Variants in GCFC2 observed in about 807,000 individuals in gnomAD.
GCFC2 encodes intron Large complex component GCFC2.
A neutral mutation model predicts 99.4 loss-of-function variants in GCFC2; 102 were observed. That is an observed-to-expected ratio of 1.03 (90% confidence interval 0.87 to 1.21). The LOEUF is 1.21. GCFC2 is among the 50% of genes most tolerant of loss of function. GCFC2 has a pLI of 0.00. For synonymous variants in GCFC2, 338 were observed against 316.8 expected (o/e 1.07, Z -0.71); for missense variants, 973 against 920.9 (o/e 1.06, Z -0.73).
At chr2:75,665,291 C>G (rs758595868) in intron 16 of GCFC2, among the ~76,000 whole-genome samples, 1 of 152,030 alleles carries the variant, frequency 6.6e-6, no homozygotes, top group Non-Finnish European at 1.5e-5. Flanking sequence ...AGCTGGGACT[C>G]AGGCGCATGC....
intron 2 of GCFC2, among the ~76,000 whole-genome samples, chr2:75,706,239 T>TA (rs1467873591): frequency 6.6e-6 from 1 of 152,202 alleles, no homozygotes. Flanking sequence ...GACAAATTCT[T>TA]ACCATCCTTC....
At chr2:75,703,550 A>G (rs1244791724) in intron 2 of GCFC2, among the ~76,000 whole-genome samples, 2 of 152,272 alleles carry the variant, frequency 1.3e-5, no homozygotes, top group Non-Finnish European at 2.9e-5. Context: ...AACAAGTAAT[A>G]GAAAATGAAG....
At chr2:75,690,418 T>C in intron 8 of GCFC2, 1 of 520,806 alleles carries the variant, frequency 1.9e-6, no homozygotes, top group South Asian at 2.6e-5. Flanking sequence ...CCCAGCCTGA[T>C]AAATGTCATT....
chr2:75,701,651 C>T (rs1680596133), intron 3 of GCFC2: 1 of 181,502 alleles, frequency 5.5e-6, no homozygotes, highest in African/African-American at 2.4e-5. Context: ...CTCTCAATTA[C>T]TACCTGAGAA....
intron 11 of GCFC2, among the ~76,000 whole-genome samples, chr2:75,684,623 C>G (rs183500262): frequency 6.6e-6 from 1 of 152,274 alleles, no homozygotes. Context: ...TAAACTAGTT[C>G]AACCATTGTG....
upstream of GCFC2, chr2:75,711,097 C>T: frequency 7.8e-7 from 1 of 1,288,274 alleles, no homozygotes; most frequent in Non-Finnish European, 9.8e-7. Flanking sequence ...GGTTAGGTTG[C>T]GTGGACTGAC....
intron 7 of GCFC2, 100 bp downstream of exon 7, chr2:75,691,877 A>G (rs1246101872): frequency 1.3e-5 from 8 of 592,922 alleles, no homozygotes; most frequent in Non-Finnish European, 1.9e-5. Flanking sequence ...TTTGTGGGAA[A>G]ATACATGAAA....
In GCFC2 at chr2:75,694,333, G is replaced by T; in HGVS notation, c.928C>A (p.Leu310Ile). Reference sequence around the variant, plus strand: ...AGAGCTTGATTTGATGAACTCTCTAGGTTCTGGATGGTACTCTTTGAGCTT... The same window carrying T: ...AGAGCTTGATTTGATGAACTCTCTATGTTCTGGATGGTACTCTTTGAGCTT... ...VKSSKSTIQN[L>I]ESSSNQALNC... The change falls in exon 6 of 17, where the codon CTA becomes ATA. Residue 310 changes from leucine (L) to isoleucine (I), a missense_variant. Transcript: ENST00000321027. 7.0e-7 allele frequency: 1 copy of T among 1,432,454 alleles called. No individual in the cohort carries two copies. The highest frequency in any genetic ancestry group is 9.7e-7 in the Non-Finnish European group (1 of 1,028,692). 88.7% of individuals were successfully genotyped at this position (1,432,454 alleles called of 1,614,324 possible). A position where few individuals can be genotyped will look rare whatever the true frequency, so the allele number is the denominator to read the frequency against.
intron 1 of GCFC2, 148 bp downstream of exon 1, chr2:75,710,443 C>T: frequency 3.7e-6 from 5 of 1,369,480 alleles, no homozygotes; most frequent in South Asian, 3.4e-5. Context: ...TCGCTCACTA[C>T]CTTCTGGATA....
At chr2:75,686,143 G>A (rs1380689697) in intron 11 of GCFC2, among the ~76,000 whole-genome samples, 1 of 151,976 alleles carries the variant, frequency 6.6e-6, no homozygotes. Context: ...GCTTAAACTA[G>A]GCACATGCAT....
chr2:75,681,835 C>T (rs145959717), intron 11 of GCFC2, among the ~76,000 whole-genome samples: 1,859 of 151,970 alleles, frequency 0.012, 87 homozygotes, highest in African/African-American at 0.043. Flanking sequence ...CCGGGAAGTT[C>T]GACCTGGGCA....
In GCFC2 at chr2:75,663,165, CAT is replaced by C. The variant is rs1190727069; in HGVS notation, c.*1499_*1500del. On this transcript the variant is annotated 3_prime_UTR_variant, in exon 17 of 17. Transcript: ENST00000321027. ...AATCACAAGTCCTCACTGCAACAGA[CAT>C]AACAAATCCAACTCCTAAAATAAAT... The C allele has an allele frequency of 1.3e-5, 2 of 152,092 alleles. No homozygotes were observed. The highest frequency in any genetic ancestry group is 4.8e-5 in the African/African-American group (2 of 41,404). The allele number at this position is 152,092 out of a possible 1,614,324, so 9.4% of individuals were successfully genotyped here.
At chr2:75,680,525 T>C (rs1318336168) in intron 11 of GCFC2, among the ~76,000 whole-genome samples, 1 of 152,202 alleles carries the variant, frequency 6.6e-6, no homozygotes, top group Non-Finnish European at 1.5e-5. Flanking sequence ...CTACAGCTCT[T>C]TATAGTTAAG....
intron 12 of GCFC2, among the ~76,000 whole-genome samples, chr2:75,675,929 A>G (rs1455582761): frequency 1.3e-5 from 2 of 151,870 alleles, no homozygotes; most frequent in East Asian, 1.9e-4. Context: ...CCCTTTGTGT[A>G]TATATATATA....
chr2:75,672,634 G>A (rs1046678295), intron 13 of GCFC2, among the ~76,000 whole-genome samples: 4 of 152,084 alleles, frequency 2.6e-5, no homozygotes, highest in South Asian at 2.1e-4. Flanking sequence ...TCAAATACTC[G>A]TTTTATAATT....
chr2:75,671,389 C>T (rs1679084332), intron 14 of GCFC2, among the ~76,000 whole-genome samples: 1 of 152,198 alleles, frequency 6.6e-6, no homozygotes, highest in South Asian at 2.1e-4. Context: ...TGTATCCAAC[C>T]ACCTCCTAGA....
At position 75,702,279 on chromosome 2, in the gene GCFC2, C is replaced by G; in HGVS notation, c.539G>C (p.Ser180Thr). The change falls in exon 3 of 17, where the codon AGT becomes ACT. Residue 180 changes from serine (S) to threonine (T), a missense_variant. Transcript: ENST00000321027. ...MKRESEDDPE[S>T]EPDDHEKRIP... ...TCTCTTTTCATGGTCATCAGGCTCA[C>G]TCTCAGGGTCATCTTCGCTCTCTCT... The G allele has an allele frequency of 6.2e-7, 1 of 1,613,580 alleles. No individual in the cohort carries two copies. Among genetic ancestry groups the G allele is most frequent in the Non-Finnish European group, 8.5e-7 (1 of 1,179,496 alleles).
rs149176539 is a variant in GCFC2 at position 75,710,030 on chromosome 2, T to C, written c.265+561A>G. ...ACGACACTATATCTAACACCATTACTGGTACCATCTACAGTGTCATGAATC... is the reference window on the plus strand; with the variant it reads ...ACGACACTATATCTAACACCATTACCGGTACCATCTACAGTGTCATGAATC... On this transcript the variant is annotated intron_variant, in intron 1 of 16. Transcript: ENST00000321027. Among the ~76,000 whole-genome samples the C allele has an allele frequency of 1.3e-3, 200 of 152,340 alleles. 1 individual carries two copies. The highest frequency in any genetic ancestry group is 4.6e-3 in the African/African-American group (190 of 41,578).
At position 75,664,710 on chromosome 2, in the gene GCFC2, CT is replaced by C; in HGVS notation, c.2301del (p.Glu768SerfsTer4). ...GATTTAAGATGGTCTAGGTGATGCT[CT>C]CCTATGAAGGATTCTGCTTGATTCA... ...KALNQAESFI[G>X]EHHLDHLKSL... On this transcript the variant is annotated frameshift_variant, in exon 17 of 17. Coordinates refer to ENST00000321027, the MANE Select transcript of GCFC2 (RefSeq NM_003203.5). LOFTEE classifies it high-confidence loss of function. 1.3e-6 allele frequency: 2 copies of C among 1,561,886 alleles called. No individual in the cohort carries two copies. Among genetic ancestry groups the C allele is most frequent in the South Asian group, 1.1e-5 (1 of 89,852 alleles).
Sources: allele counts gnomAD v4.1 joint callset (sites outside exome capture counted in the v4.1 genomes callset), GRCh38; gene constraint gnomAD v4.1.1; transcripts MANE v1.5; gene names NCBI Gene and HGNC (gene_info 2026-07-23, HGNC 2026-07-21).